Variants in XKR4 observed in about 807,000 individuals in gnomAD.
The protein encoded by XKR4 is XK-related protein 4.
Under a neutral mutation model 53.9 loss-of-function variants are expected in XKR4, and 12 were observed. The observed-to-expected ratio is 0.22, with a 90% confidence interval of 0.14 to 0.36. The LOEUF (loss-of-function observed/expected upper bound fraction) is 0.36, where lower values mean the gene tolerates loss of function less well. Among genes scored for constraint, XKR4 ranks in the 10% least tolerant of loss-of-function variants. The pLI, the probability that XKR4 is intolerant of heterozygous loss-of-function variation, is 1.00. For missense variants in XKR4, 799 were observed against 859.5 expected (o/e 0.93, Z 0.88); for synonymous variants, 354 against 362.4 (o/e 0.98, Z 0.26).
At chr8:55,127,151 G>T (rs143427715) in intron 1 of XKR4, among the ~76,000 whole-genome samples, 1 of 151,794 alleles carries the variant, frequency 6.6e-6, no homozygotes, top group African/African-American at 2.4e-5. Flanking sequence ...ACCTATTCTC[G>T]TATGAGCCAG....
In XKR4 at chr8:55,403,120, T is replaced by C. The variant is rs1585557489; in HGVS notation, c.1006+45243T>C. 2.0e-5 allele frequency among the ~76,000 whole-genome samples: 3 copies of C among 152,220 alleles called. No homozygotes were observed. The East Asian group carries it at 5.8e-4, about 29-fold the overall frequency. On this transcript the variant is annotated intron_variant, in intron 2 of 2. Coordinates refer to ENST00000327381, the MANE Select transcript of XKR4 (RefSeq NM_052898.2). The stretch of plus-strand genomic sequence containing the variant: ...CTGTCCCTGCAGAATCTAACCTCAT[T>C]TCTATAATAGAGTACTTGTACCTAT...
At chr8:55,261,502 AT>A (rs1249534571) in intron 1 of XKR4, among the ~76,000 whole-genome samples, 4 of 152,202 alleles carry the variant, frequency 2.6e-5, no homozygotes, top group African/African-American at 9.6e-5. Flanking sequence ...AAGATCTTTC[AT>A]TTTGAATTCC....
At chr8:55,409,413 A>T (rs1804742882) in intron 2 of XKR4, among the ~76,000 whole-genome samples, 1 of 152,220 alleles carries the variant, frequency 6.6e-6, no homozygotes, top group African/African-American at 2.4e-5. Context: ...TGGGTAAATT[A>T]TTTAACCAGA....
intron 2 of XKR4, among the ~76,000 whole-genome samples, chr8:55,439,334 T>A (rs369874411): frequency 5.5e-5 from 3 of 54,594 alleles, no homozygotes; most frequent in African/African-American, 4.2e-4. Context: ...TCCTTCCCAA[T>A]CAAAATTCTC....
chr8:55,346,726 T>TGTGTGTGTGTGTGTGTGTG (rs1803650392), intron 1 of XKR4, among the ~76,000 whole-genome samples: 1 of 149,166 alleles, frequency 6.7e-6, no homozygotes, highest in African/African-American at 2.4e-5. Context: ...TGTGTGTGTG[T>TGTGTGTGTGTGTGTGTGTG]TTAGAAAGCT....
At chr8:55,199,494 T>G (rs1217954022) in intron 1 of XKR4, among the ~76,000 whole-genome samples, 1 of 152,250 alleles carries the variant, frequency 6.6e-6, no homozygotes, top group Admixed American at 6.5e-5. Flanking sequence ...TTTTAGTTCA[T>G]CTTTACCACA....
intron 1 of XKR4, among the ~76,000 whole-genome samples, chr8:55,167,000 G>A (rs1239036889): frequency 2.0e-5 from 3 of 152,224 alleles, no homozygotes; most frequent in African/African-American, 2.4e-5. Context: ...TCAAGGGAGA[G>A]AGGATGGAAA....
chr8:55,252,336 T>A (rs1818372500), intron 1 of XKR4, among the ~76,000 whole-genome samples: 1 of 152,220 alleles, frequency 6.6e-6, no homozygotes, highest in Non-Finnish European at 1.5e-5. Flanking sequence ...TGAAACTGTA[T>A]AAACCATTGC....
intron 1 of XKR4, among the ~76,000 whole-genome samples, chr8:55,273,643 C>T (rs1484820888): frequency 6.6e-6 from 1 of 152,170 alleles, no homozygotes; most frequent in Non-Finnish European, 1.5e-5. Flanking sequence ...CTTGTGGCCC[C>T]CACCCTGGAA....
chr8:55,421,100 C>T (rs189846062), intron 2 of XKR4, among the ~76,000 whole-genome samples: 275 of 152,286 alleles, frequency 1.8e-3, no homozygotes, highest in African/African-American at 6.4e-3. Context: ...GAATTGAATT[C>T]AAGCCCTTGC....
chr8:55,391,466 T>C (rs1371644597), intron 2 of XKR4, among the ~76,000 whole-genome samples: 1 of 152,208 alleles, frequency 6.6e-6, no homozygotes, highest in African/African-American at 2.4e-5. Context: ...TGTGTTCCAA[T>C]TGGAGCAATT....
chr8:55,449,448 C>T (rs1805393337), intron 2 of XKR4: 1 of 815,080 alleles, frequency 1.2e-6, no homozygotes, highest in Admixed American at 2.1e-5. Flanking sequence ...CAGGGCTGCC[C>T]TGCCCACCCC....
At chr8:55,518,278 C>G (rs953385971) in intron 2 of XKR4, among the ~76,000 whole-genome samples, 4 of 152,128 alleles carry the variant, frequency 2.6e-5, no homozygotes, top group Non-Finnish European at 5.9e-5. Flanking sequence ...TGCAAAGAAG[C>G]AGAAGAGAGG....
chr8:55,434,746 C>T (rs1036541726), intron 2 of XKR4, among the ~76,000 whole-genome samples: 5 of 152,176 alleles, frequency 3.3e-5, no homozygotes, highest in Non-Finnish European at 5.9e-5. Context: ...CACTGTGTTT[C>T]GACTTTGCTG....
intron 2 of XKR4, among the ~76,000 whole-genome samples, chr8:55,490,825 T>C (rs2975950): frequency 0.64 from 97,190 of 151,954 alleles, 32,104 homozygotes; most frequent in African/African-American, 0.81. Flanking sequence ...CGCACGCGCA[T>C]GCTTGTGGTT....
chr8:55,275,781 C>T (rs1395253221), intron 1 of XKR4, among the ~76,000 whole-genome samples: 1 of 152,174 alleles, frequency 6.6e-6, no homozygotes, highest in Non-Finnish European at 1.5e-5. Context: ...CTAGCTTATA[C>T]TAATTAGTCC....
intron 1 of XKR4, among the ~76,000 whole-genome samples, chr8:55,170,581 T>C (rs986458450): frequency 2.6e-5 from 4 of 152,188 alleles, no homozygotes; most frequent in Non-Finnish European, 5.9e-5. Flanking sequence ...GCAAAGTAAA[T>C]TGTAGGGCTT....
intron 2 of XKR4, among the ~76,000 whole-genome samples, chr8:55,416,107 G>A (rs1804842248): frequency 6.6e-6 from 1 of 152,278 alleles, no homozygotes; most frequent in African/African-American, 2.4e-5. Flanking sequence ...GACCTGGTCT[G>A]GAGCCCTGAA....
chr8:55,492,595 G>A (rs748734111), intron 2 of XKR4, among the ~76,000 whole-genome samples: 27 of 152,302 alleles, frequency 1.8e-4, no homozygotes, highest in Non-Finnish European at 2.9e-4. Flanking sequence ...TGATGCCATC[G>A]CTTAGAAGAA....
Sources: allele counts gnomAD v4.1 joint callset (sites outside exome capture counted in the v4.1 genomes callset), GRCh38; gene constraint gnomAD v4.1.1; transcripts MANE v1.5; gene names NCBI Gene and HGNC (gene_info 2026-07-23, HGNC 2026-07-21).